Variants in KMT2E observed in about 807,000 individuals in gnomAD.
KMT2E encodes the protein histone reader KMT2E.
Under a neutral mutation model 184.6 loss-of-function variants are expected in KMT2E, and 30 were observed. The ratio of observed to expected loss-of-function variants is 0.16; its 90% CI spans 0.12 to 0.22. The LOEUF is 0.22. KMT2E is among the 10% of genes least tolerant of loss of function. The pLI is 1.00. For synonymous variants in KMT2E, 815 were observed against 776.5 expected, an observed-to-expected ratio of 1.05 and a Z score of -0.82; for missense variants, 2,023 against 2,237.4, an observed-to-expected ratio of 0.90 and a Z score of 1.93.
At chr7:105,089,690 A>ATT (rs1035288992) in intron 13 of KMT2E, among the ~76,000 whole-genome samples, 1 of 151,984 alleles carries the variant, frequency 6.6e-6, no homozygotes, top group Non-Finnish European at 1.5e-5. Flanking sequence ...AAGATATCTC[A>ATT]TTATATATAT....
chr7:105,095,803 T>C (rs937328924), intron 15 of KMT2E, among the ~76,000 whole-genome samples: 3 of 152,204 alleles, frequency 2.0e-5, no homozygotes, highest in East Asian at 1.9e-4. Flanking sequence ...AGGGCACTAC[T>C]GAGTGTCCTC....
In KMT2E at chr7:105,063,449, T is replaced by C; in HGVS notation, c.285T>C (p.Pro95=). 6.2e-7 allele frequency: 1 copy of C among 1,613,880 alleles called. No homozygotes were observed. The highest frequency in any genetic ancestry group is 1.1e-5 in the South Asian group (1 of 91,070). ...ATGAAGTAGGCATATTTACCACTCC[T>C]AATTTTGATGAAACTTCCAGTGCTA... The part of the protein sequence containing the change: ...SKNEVGIFTT[P]NFDETSSATT... Residue 95 remains proline, a synonymous_variant, in exon 5 of 27, where the codon CCT becomes CCC. Coordinates refer to ENST00000311117, the MANE Select transcript of KMT2E (RefSeq NM_182931.3).
chr7:105,024,174 T>C (rs751354100), intron 1 of KMT2E, among the ~76,000 whole-genome samples: 5 of 152,212 alleles, frequency 3.3e-5, no homozygotes, highest in Non-Finnish European at 5.9e-5. Context: ...AATTTTCTTC[T>C]GAGAAAATTA....
intron 3 of KMT2E, among the ~76,000 whole-genome samples, chr7:105,054,814 C>T (rs1796509786): frequency 6.6e-6 from 1 of 152,148 alleles, no homozygotes. Flanking sequence ...CACGCCCAGC[C>T]CGCAAGTTGC....
At chr7:105,082,852 G>A (rs1797813522) in intron 13 of KMT2E, among the ~76,000 whole-genome samples, 1 of 152,142 alleles carries the variant, frequency 6.6e-6, no homozygotes, top group Non-Finnish European at 1.5e-5. Context: ...GAAAACAATG[G>A]AGCCCTTCTG....
intron 13 of KMT2E, among the ~76,000 whole-genome samples, chr7:105,086,082 T>G (rs1156528465): frequency 1.3e-5 from 2 of 152,236 alleles, no homozygotes; most frequent in African/African-American, 4.8e-5. Flanking sequence ...GCTGTATTCT[T>G]TAGCATTTTT....
chr7:105,086,264 A>T (rs1797959535), intron 13 of KMT2E, among the ~76,000 whole-genome samples: 1 of 152,180 alleles, frequency 6.6e-6, no homozygotes, highest in South Asian at 2.1e-4. Context: ...CATGGTAGGA[A>T]CATAGTATGT....
chr7:105,112,899 C>A lies in KMT2E; in HGVS notation c.5143C>A (p.Pro1715Thr), dbSNP rs748835448. ...AQHQHVVNSAPPPPPPPPPSS... is the reference protein window; with the variant it reads ...AQHQHVVNSATPPPPPPPPSS... ...ACACCAGCATGTTGTAAATTCAGCA[C>A]CCCCACCACCCCCTCCGCCGCCACC... Residue 1715 changes from proline to threonine, a missense_variant, in exon 27 of 27, where the codon CCC becomes ACC. By Grantham distance (38) the Pro-to-Thr change is conservative. Around this residue, in one of 8 missense-constraint regions of KMT2E, gnomAD observed 1,108 missense variants for 1,050.9 expected, o/e 1.05. Transcript: ENST00000311117. The A allele has an allele frequency of 6.2e-7, 1 of 1,606,056 alleles. No individual in the cohort carries two copies. The highest frequency in any genetic ancestry group is 2.3e-5 in the East Asian group (1 of 44,334).
At chr7:105,087,236 T>TAAGC (rs1798015850) in intron 13 of KMT2E, among the ~76,000 whole-genome samples, 1 of 146,038 alleles carries the variant, frequency 6.8e-6, no homozygotes, top group Non-Finnish European at 1.5e-5. Context: ...TAAGCATATA[T>TAAGC]ATAAAGAGAT....
intron 5 of KMT2E, among the ~76,000 whole-genome samples, chr7:105,064,279 G>A (rs1796945999): frequency 6.7e-6 from 1 of 149,826 alleles, no homozygotes; most frequent in Non-Finnish European, 1.5e-5. Context: ...TGCATAGGGT[G>A]GGAAGCGCAG....
At chr7:105,080,665 A>G (rs1797728195) in intron 12 of KMT2E, among the ~76,000 whole-genome samples, 1 of 152,248 alleles carries the variant, frequency 6.6e-6, no homozygotes, top group Non-Finnish European at 1.5e-5. Flanking sequence ...AGTATATAGA[A>G]TAGTGTCTTG....
In KMT2E at chr7:105,106,775, G is replaced by A. The variant is rs760439777; in HGVS notation, c.2847+3G>A. ...CAGGAAATACCATGCACTTTGAGGTGAGAAATTTTAATGGAGAAAAAAAAA... is the reference window on the plus strand; with the variant it reads ...CAGGAAATACCATGCACTTTGAGGTAAGAAATTTTAATGGAGAAAAAAAAA... On this transcript the variant is annotated splice_donor_region_variant and intron_variant, in intron 20 of 26. Coordinates refer to ENST00000311117, the MANE Select transcript of KMT2E (RefSeq NM_182931.3). 1 of 1,607,792 alleles carries A rather than the reference G, an allele frequency of 6.2e-7. No individual in the cohort carries two copies. Among genetic ancestry groups the A allele is most frequent in the East Asian group, 2.2e-5 (1 of 44,794 alleles).
Position 105,110,364 on chromosome 7 carries a change from T to C in KMT2E, c.3840T>C (p.Asp1280=), listed in dbSNP as rs766359250. ...LLLSDHRKDK[D]SGGESPCVSC... is the part of the protein sequence containing the mutation. ...TCAGTGATCACCGAAAAGATAAAGATAGTGGTAAGTGAGCTTGTTCCTTCA... is the reference window on the plus strand; with the variant it reads ...TCAGTGATCACCGAAAAGATAAAGACAGTGGTAAGTGAGCTTGTTCCTTCA... The change falls in exon 24 of 27, where the codon GAT becomes GAC. Residue 1280 remains aspartate (D), a synonymous_variant. Coordinates refer to ENST00000311117, the MANE Select transcript of KMT2E (RefSeq NM_182931.3). The C allele has an allele frequency of 2.5e-6, 4 of 1,614,048 alleles. No individual in the cohort carries two copies. The highest frequency in any genetic ancestry group is 1.7e-5 in the Admixed American group (1 of 60,020).
intron 3 of KMT2E, among the ~76,000 whole-genome samples, chr7:105,042,029 A>C (rs543189760): frequency 2.0e-5 from 3 of 151,746 alleles, no homozygotes; most frequent in African/African-American, 7.3e-5. Context: ...ACAGAGTCTC[A>C]CTCTGTCATC....
intron 15 of KMT2E, among the ~76,000 whole-genome samples, chr7:105,098,259 G>T (rs564089121): frequency 2.0e-5 from 3 of 147,180 alleles, no homozygotes; most frequent in South Asian, 4.3e-4. Context: ...TTTAGATAAA[G>T]ACAGGGCCTC....
chr7:105,070,886 A>T (rs761807050), intron 6 of KMT2E, among the ~76,000 whole-genome samples: 1 of 152,202 alleles, frequency 6.6e-6, no homozygotes, highest in Admixed American at 6.5e-5. Flanking sequence ...GAAGTATTCT[A>T]TCATTCTAAA....
At chr7:105,069,788 C>A (rs188212634) in intron 6 of KMT2E, among the ~76,000 whole-genome samples, 109 of 152,236 alleles carry the variant, frequency 7.2e-4, no homozygotes, top group African/African-American at 2.5e-3. Flanking sequence ...CCTGTCACTG[C>A]CAGGAGTCAT....
chr7:105,079,059 C>CACA, intron 12 of KMT2E, 96 bp downstream of exon 12: 1 of 665,244 alleles, frequency 1.5e-6, no homozygotes, highest in South Asian at 1.7e-5. Context: ...ACCTAAGACA[C>CACA]TTTCCACCTG....
At chr7:105,076,894 GT>G in intron 9 of KMT2E, 68 bp from the exon 10 acceptor site, 1 of 761,818 alleles carries the variant, frequency 1.3e-6, no homozygotes, top group Non-Finnish European at 2.3e-6. Context: ...GTGTGTGTGT[GT>G]GTGTGTGTGT....
Sources: gnomAD v4.1 joint callset for allele counts (sites outside exome capture counted in the v4.1 genomes callset) on GRCh38, gnomAD v4.1.1 for gene constraint, gnomAD v4.1.1 regional missense constraint, MANE v1.5 for transcripts, NCBI Gene and HGNC (gene_info 2026-07-23, HGNC 2026-07-21) for gene names.